Variants in FBF1 observed in about 807,000 individuals in gnomAD.
The protein encoded by FBF1 is Fas binding factor 1, also known as fas-binding factor 1.
FBF1 carries 119 observed loss-of-function variants against 147.2 expected under a neutral mutation model. The ratio of observed to expected loss-of-function variants is 0.81; its 90% confidence interval spans 0.70 to 0.94. FBF1 has a LOEUF of 0.94. Among genes scored for constraint, FBF1 ranks in the 40% least tolerant of loss-of-function variants. The pLI is 0.00. For missense variants in FBF1, 1,449 were observed against 1,500.8 expected (o/e 0.97, Z 0.57); for synonymous variants, 601 against 609.0 (o/e 0.99, Z 0.19).
At chr17:75,917,485 C>T (rs117819725) in intron 23 of FBF1, among the ~76,000 whole-genome samples, 64 of 150,834 alleles carry the variant, frequency 4.2e-4, no homozygotes, top group East Asian at 3.1e-3. Flanking sequence ...CCAAGGTGGC[C>T]GAGGGGCTTG....
rs202230437 is a variant in FBF1, at chr17:75,926,867, G to A, written c.486C>T (p.Asp162=). 376 of 1,611,386 alleles carry A rather than the reference G, an allele frequency of 2.3e-4. No individual in the cohort carries two copies. Among genetic ancestry groups the A allele is most frequent in the Non-Finnish European group, 3.6e-5 (43 of 1,178,886 alleles). Residue 162 remains aspartate (D), a synonymous_variant, in exon 10 of 30, where the codon GAC becomes GAT. Transcript: ENST00000636174. ...CATAGGAGAGAAGTCCTCTCAATGG[G>A]TCTTCCAAGTCTCACAGCAGAAGGG... ...NRRFSSEDLE[D]PLRGLLSYDE...
In FBF1 at chr17:75,923,553, TGGGCTGGATG is replaced by T. The variant is rs1320999919; in HGVS notation, c.1047_1056del (p.Ile350GlyfsTer86). 4.4e-6 allele frequency: 7 copies of T among 1,608,798 alleles called. No individual in the cohort carries two copies. The highest frequency in any genetic ancestry group is 5.9e-6 in the Non-Finnish European group (7 of 1,177,922). On this transcript the variant is annotated frameshift_variant, in exon 14 of 30. Coordinates refer to ENST00000636174, the MANE Select transcript of FBF1 (RefSeq NM_001319193.2). LOFTEE classifies it high-confidence loss of function. This position sits in a 1 kb window ranked among gnomAD's most constrained non-coding sequence, Gnocchi z 4.1. ...CCCAACCAGTCAGCTCCTCCCTTCC[TGGGCTGGATG>T]GGGCTGGAAGCCATTGGAGGGCTCT...
chr17:75,918,764 T>C lies in FBF1; in HGVS notation c.2139-495A>G, dbSNP rs1021461077. ...ACCTTGGCCTCCCAAAGCACTGGGA[T>C]TACAGGTGTGAGCCACCACGCCCGG... On this transcript the variant is annotated intron_variant, in intron 20 of 29. Coordinates refer to ENST00000636174, the MANE Select transcript of FBF1 (RefSeq NM_001319193.2). The surrounding 1 kb of genome is among the most constrained non-coding windows in gnomAD (Gnocchi z 5.8). Among the ~76,000 whole-genome samples the C allele has an allele frequency of 6.6e-6, 1 of 151,954 alleles. No individual in the cohort carries two copies. Among genetic ancestry groups the C allele is most frequent in the Non-Finnish European group, 1.5e-5 (1 of 68,000 alleles).
chr17:75,918,154 G>A lies in FBF1; in HGVS notation c.2246+8C>T, dbSNP rs746361368. 1.4e-5 allele frequency: 23 copies of A among 1,612,954 alleles called. No individual in the cohort carries two copies. The highest frequency in any genetic ancestry group is 4.4e-5 in the South Asian group (4 of 90,946). On this transcript the variant is annotated splice_region_variant and intron_variant, in intron 21 of 29. Coordinates refer to ENST00000636174, the MANE Select transcript of FBF1 (RefSeq NM_001319193.2). The surrounding 1 kb of genome is among the most constrained non-coding windows in gnomAD (Gnocchi z 5.8). ...GTCAGGCGGGCATGGTTGGGGCAGC[G>A]CACATACCGCGTGTGGGAGGTGGCA... is the stretch of plus-strand genomic sequence containing the variant.
Position 75,918,780 on chromosome 17 carries a change from C to A in FBF1, c.2139-511G>T, listed in dbSNP as rs1439946684. On this transcript the variant is annotated intron_variant, in intron 20 of 29. Transcript: ENST00000636174. This position sits in a 1 kb window ranked among gnomAD's most constrained non-coding sequence, Gnocchi z 5.8. ...GCACTGGGATTACAGGTGTGAGCCACCACGCCCGGCCCCAAGCAGTCTTTC... is the reference window on the plus strand; with the variant it reads ...GCACTGGGATTACAGGTGTGAGCCAACACGCCCGGCCCCAAGCAGTCTTTC... Among the ~76,000 whole-genome samples, 1 of 151,510 alleles carries A rather than the reference C, an allele frequency of 6.6e-6. No homozygotes were observed. Among genetic ancestry groups the A allele is most frequent in the East Asian group, 1.9e-4 (1 of 5,184 alleles).
At position 75,914,022 on chromosome 17, in the gene FBF1, T is replaced by TC. The variant is rs1161757681; in HGVS notation, c.3019dup (p.Glu1007GlyfsTer59). The TC allele has an allele frequency of 4.4e-6, 7 of 1,585,888 alleles. No homozygotes were observed. The highest frequency in any genetic ancestry group is 6.0e-6 in the Non-Finnish European group (7 of 1,173,424). On this transcript the variant is annotated frameshift_variant, in exon 27 of 30. Transcript: ENST00000636174. LOFTEE classifies it high-confidence loss of function. The stretch of plus-strand genomic sequence containing the variant: ...CTGCTGGGCCTCGCGCAATGCCCGC[T>TC]CCCCCTCCTCGTACTTCTCGGAGGC...
intron 1 of FBF1, among the ~76,000 whole-genome samples, chr17:75,940,356 G>T (rs1271284083): frequency 6.6e-6 from 1 of 151,762 alleles, no homozygotes; most frequent in East Asian, 1.9e-4. Context: ...GGGCTCAGGC[G>T]ATCCTCCAAT....
rs1486040422 is a variant in FBF1 at position 75,917,989 on chromosome 17, G to A, written c.2328C>T (p.His776=). The change falls in exon 22 of 30, where the codon CAC becomes CAT. Residue 776 remains histidine (H), a synonymous_variant. Transcript: ENST00000636174. ...HELSSRVEAS[H]LTTSQERELG... ...GCTCCCGCTCCTGGGAGGTGGTGAG[G>A]TGCGAGGCCTCCACGCGGGAGGACA... The A allele has an allele frequency of 3.7e-6, 6 of 1,611,900 alleles. No homozygotes were observed. The Admixed American group carries it at 6.7e-5, about 18-fold the overall frequency.
At chr17:75,937,798 G>A (rs1228105765) in intron 2 of FBF1, 17 of 663,334 alleles carry the variant, frequency 2.6e-5, no homozygotes, top group Non-Finnish European at 4.2e-5. Context: ...CTGCTAACCA[G>A]CGATGGGTGC....
intron 23 of FBF1, among the ~76,000 whole-genome samples, chr17:75,916,180 G>T (rs1161331796): frequency 1.3e-5 from 2 of 151,004 alleles, no homozygotes; most frequent in Non-Finnish European, 2.9e-5. Context: ...AATTAGCTGG[G>T]TATAGTGGCA....
chr17:75,936,742 T>A (rs1195035260), intron 3 of FBF1, among the ~76,000 whole-genome samples: 1 of 152,012 alleles, frequency 6.6e-6, no homozygotes, highest in East Asian at 1.9e-4. Flanking sequence ...AGAACCTATA[T>A]TCTACCTGCC....
intron 1 of FBF1, among the ~76,000 whole-genome samples, chr17:75,940,095 G>A (rs1427721772): frequency 1.3e-5 from 2 of 151,984 alleles, no homozygotes; most frequent in Non-Finnish European, 2.9e-5. Context: ...ACAGGCACAT[G>A]CCACCATGCC....
In FBF1 at chr17:75,909,943, G is replaced by A. The variant is rs1338537260; in HGVS notation, c.*780C>T. The A allele has an allele frequency of 8.6e-6, 6 of 698,458 alleles. No individual in the cohort carries two copies. The highest frequency in any genetic ancestry group is 2.7e-5 in the East Asian group (1 of 37,082). The allele number at this position is 698,458 out of a possible 1,614,324, so 43.3% of individuals were successfully genotyped here. ...CTGTAGTTGTGATTGGTTCCTTGTCGCCTCCACTGCGTACCCGCTGAGCTG... is the reference window on the plus strand; with the variant it reads ...CTGTAGTTGTGATTGGTTCCTTGTCACCTCCACTGCGTACCCGCTGAGCTG... On this transcript the variant is annotated 3_prime_UTR_variant, in exon 30 of 30. Coordinates refer to ENST00000636174, the MANE Select transcript of FBF1 (RefSeq NM_001319193.2).
Position 75,922,297 on chromosome 17 carries a change from A to G in FBF1, c.1425-251T>C, listed in dbSNP as rs1759479019. ...GTGAATGGACACTGTCCAAGCAGTG[A>G]CAACGGAAATGTTATAGACACTGGA... is the stretch of plus-strand genomic sequence containing the variant. On this transcript the variant is annotated intron_variant, in intron 14 of 29. Coordinates refer to ENST00000636174, the MANE Select transcript of FBF1 (RefSeq NM_001319193.2). The surrounding 1 kb of genome is among the most constrained non-coding windows in gnomAD (Gnocchi z 5.0). Among the ~76,000 whole-genome samples the G allele has an allele frequency of 6.6e-6, 1 of 152,138 alleles. No homozygotes were observed. Among genetic ancestry groups the G allele is most frequent in the South Asian group, 2.1e-4 (1 of 4,828 alleles).
In FBF1 at chr17:75,918,096, C is replaced by T; in HGVS notation, c.2247-26G>A. On this transcript the variant is annotated intron_variant, in intron 21 of 29. Transcript: ENST00000636174. The surrounding 1 kb of genome is among the most constrained non-coding windows in gnomAD (Gnocchi z 5.8). ...CTGGAAGAAGACTGGGTCACCCCCT[C>T]CTGACGGTCTCGGGGACCTTCCGGC... The T allele has an allele frequency of 6.2e-7, 1 of 1,606,128 alleles. No homozygotes were observed. Among genetic ancestry groups the T allele is most frequent in the Middle Eastern group, 1.7e-4 (1 of 6,026 alleles).
rs1567856060 is a variant in FBF1, at chr17:75,910,717, T to TC, written c.*5dup. 1.3e-6 allele frequency: 2 copies of TC among 1,598,674 alleles called. No individual in the cohort carries two copies. The highest frequency in any genetic ancestry group is 1.7e-6 in the Non-Finnish European group (2 of 1,173,904). ...CCCTCTGTTGGGGAATCGGCTGGGG[T>TC]CCCACTCAGGCTGAATGAGATGTCA... On this transcript the variant is annotated 3_prime_UTR_variant, in exon 30 of 30. Transcript: ENST00000636174. The surrounding 1 kb of genome is among the most constrained non-coding windows in gnomAD (Gnocchi z 4.1).
Position 75,923,767 on chromosome 17 carries a change from T to A in FBF1, c.969-126A>T. ...CAGTCAGCTGAGGCCCAGTGAGCAGTGGCTCCTGGACCGGCTCAGGTGGCA... is the reference window on the plus strand; with the variant it reads ...CAGTCAGCTGAGGCCCAGTGAGCAGAGGCTCCTGGACCGGCTCAGGTGGCA... On this transcript the variant is annotated intron_variant, in intron 13 of 29. Transcript: ENST00000636174. This position sits in a 1 kb window ranked among gnomAD's most constrained non-coding sequence, Gnocchi z 4.1. The A allele has an allele frequency of 1.0e-6, 1 of 966,632 alleles. No homozygotes were observed. The highest frequency in any genetic ancestry group is 1.5e-6 in the Non-Finnish European group (1 of 668,296). The allele number at this position is 966,632 out of a possible 1,614,324, so 59.9% of individuals were successfully genotyped here.
rs2065532989 is a variant in FBF1 at position 75,922,323 on chromosome 17, G to C, written c.1425-277C>G. Among the ~76,000 whole-genome samples the C allele has an allele frequency of 6.6e-6, 1 of 152,120 alleles. No individual in the cohort carries two copies. Among genetic ancestry groups the C allele is most frequent in the Non-Finnish European group, 1.5e-5 (1 of 68,028 alleles). On this transcript the variant is annotated intron_variant, in intron 14 of 29. Coordinates refer to ENST00000636174, the MANE Select transcript of FBF1 (RefSeq NM_001319193.2). This position sits in a 1 kb window ranked among gnomAD's most constrained non-coding sequence, Gnocchi z 5.0. ...CAACGGAAATGTTATAGACACTGGA[G>C]TCAAGTTCAAGTTCAGAGCCCTGTT... is the stretch of plus-strand genomic sequence containing the variant.
chr17:75,925,268 CAG>C lies in FBF1; in HGVS notation c.968+77_968+78del, dbSNP rs2065552906. 18 of 1,112,282 alleles carry C rather than the reference CAG, an allele frequency of 1.6e-5. No individual in the cohort carries two copies. The South Asian group carries it at 2.5e-4, about 15-fold the overall frequency. 68.9% of individuals were successfully genotyped at this position (1,112,282 alleles called of 1,614,324 possible). On this transcript the variant is annotated intron_variant, in intron 13 of 29. Coordinates refer to ENST00000636174, the MANE Select transcript of FBF1 (RefSeq NM_001319193.2). The surrounding 1 kb of genome is among the most constrained non-coding windows in gnomAD (Gnocchi z 5.0). Reference sequence around the variant, plus strand: ...TCCCACATGAGACTCTCGGGTGGGACAGGGGACAGCTGCAGGGGCCTGTCTTC... The same window carrying C: ...TCCCACATGAGACTCTCGGGTGGGACGGGACAGCTGCAGGGGCCTGTCTTC...
Sources: gnomAD v4.1 joint callset for allele counts (sites outside exome capture counted in the v4.1 genomes callset) on GRCh38, gnomAD v4.1.1 for gene constraint, Gnocchi (gnomAD v3.1) non-coding constraint, MANE v1.5 for transcripts, NCBI Gene and HGNC (gene_info 2026-07-23, HGNC 2026-07-21) for gene names.